CEMIP2: variants seen among roughly 807,000 people sequenced by gnomAD.
CEMIP2 encodes cell surface hyaluronidase CEMIP2.
Under a neutral mutation model 146.9 loss-of-function variants are expected in CEMIP2, and 79 were observed. That is an observed-to-expected ratio of 0.54 (90% confidence interval 0.45 to 0.65). CEMIP2 has a LOEUF of 0.65. Ranked by LOEUF, CEMIP2 falls within the 30% of genes least tolerant of loss-of-function variation. The pLI is 0.00. For synonymous variants in CEMIP2, 601 were observed against 606.3 expected, an observed-to-expected ratio of 0.99 and a Z score of 0.13; for missense variants, 1,596 against 1,696.2, an observed-to-expected ratio of 0.94 and a Z score of 1.04.
intron 18 of CEMIP2, among the ~76,000 whole-genome samples, chr9:71,703,622 G>A (rs568844787): frequency 1.7e-4 from 26 of 152,196 alleles, no homozygotes; most frequent in East Asian, 7.7e-4. Context: ...TCATGGAGTC[G>A]CATGGGTTAA....
chr9:71,756,509 CACA>C (rs1290065396), intron 1 of CEMIP2, among the ~76,000 whole-genome samples: 25 of 111,496 alleles, frequency 2.2e-4, no homozygotes, highest in Non-Finnish European at 4.4e-4. Context: ...CTCTCTCTCA[CACA>C]CACACACACA....
chr9:71,701,941 A>C (rs1200126150), intron 18 of CEMIP2, among the ~76,000 whole-genome samples: 3 of 152,280 alleles, frequency 2.0e-5, no homozygotes, highest in African/African-American at 7.2e-5. Flanking sequence ...AAAATGTTTA[A>C]ATAATATGTA....
intron 15 of CEMIP2, among the ~76,000 whole-genome samples, chr9:71,712,806 A>T (rs922016405): frequency 2.0e-5 from 3 of 152,178 alleles, no homozygotes; most frequent in African/African-American, 7.2e-5. Flanking sequence ...ATTTTGTTTT[A>T]TTCATTTTCC....
intron 1 of CEMIP2, among the ~76,000 whole-genome samples, chr9:71,760,018 T>TAA (rs34841456): frequency 0.061 from 8,725 of 143,844 alleles, 797 homozygotes; most frequent in African/African-American, 0.2. Flanking sequence ...TAAATTTACT[T>TAA]AAAAAAAAAA....
At chr9:71,763,950 G>A (rs1824712596) in intron 1 of CEMIP2, among the ~76,000 whole-genome samples, 1 of 152,066 alleles carries the variant, frequency 6.6e-6, no homozygotes, top group South Asian at 2.1e-4. Flanking sequence ...CATAGTTCCT[G>A]ACAACCAATA....
intron 10 of CEMIP2, among the ~76,000 whole-genome samples, chr9:71,727,187 C>T (rs1396198774): frequency 6.6e-6 from 1 of 152,182 alleles, no homozygotes; most frequent in Non-Finnish European, 1.5e-5. Flanking sequence ...GGGTATCTGG[C>T]AGCCTCACCT....
At chr9:71,763,664 C>T (rs1824702908) in intron 1 of CEMIP2, among the ~76,000 whole-genome samples, 1 of 152,216 alleles carries the variant, frequency 6.6e-6, no homozygotes, top group African/African-American at 2.4e-5. Context: ...AGGTTTATCA[C>T]TTTTCACCGT....
chr9:71,688,389 CT>C (rs1229804473), intron 22 of CEMIP2, among the ~76,000 whole-genome samples: 9 of 151,446 alleles, frequency 5.9e-5, no homozygotes, highest in Middle Eastern at 3.4e-3. Flanking sequence ...GGTAGTCTTT[CT>C]TTCTTTCTTT....
intron 1 of CEMIP2, among the ~76,000 whole-genome samples, chr9:71,759,784 A>G (rs1349858216): frequency 7.4e-6 from 1 of 135,370 alleles, no homozygotes; most frequent in Non-Finnish European, 1.5e-5. Flanking sequence ...TAAAAGGGAA[A>G]GAAGCAGGGA....
intron 21 of CEMIP2, among the ~76,000 whole-genome samples, chr9:71,693,061 T>C (rs1822280581): frequency 6.6e-6 from 1 of 152,230 alleles, no homozygotes; most frequent in Admixed American, 6.5e-5. Context: ...ATGGACTTCA[T>C]GCCACTGAAC....
At chr9:71,699,543 T>C (rs1822499067) in intron 19 of CEMIP2, 1 of 335,728 alleles carries the variant, frequency 3.0e-6, no homozygotes, top group Non-Finnish European at 6.0e-6. Context: ...CTGATAACAC[T>C]GGCTGGTGGG....
chr9:71,752,075 A>G (rs1824270288), intron 1 of CEMIP2, among the ~76,000 whole-genome samples: 1 of 152,128 alleles, frequency 6.6e-6, no homozygotes, highest in African/African-American at 2.4e-5. Flanking sequence ...CATTACCTCC[A>G]TTTTACACAT....
chr9:71,728,815 T>TGTG lies in CEMIP2; in HGVS notation c.2049+1029_2049+1030insCAC, dbSNP rs1554684960. Reference sequence around the variant, plus strand: ...AGCTAAGGTCTTTTTTGTGGGGTTTTTGTGTGTGTGTGTGTGTGTGTGTGT... The same window carrying TGTG: ...AGCTAAGGTCTTTTTTGTGGGGTTTTGTGTGTGTGTGTGTGTGTGTGTGTGTGT... On this transcript the variant is annotated intron_variant, in intron 10 of 23. Transcript: ENST00000377044. 6.4e-3 allele frequency among the ~76,000 whole-genome samples: 945 copies of TGTG among 148,308 alleles called. 9 individuals are homozygous for TGTG. The highest frequency in any genetic ancestry group is 0.02 in the African/African-American group (814 of 40,318).
intron 1 of CEMIP2, among the ~76,000 whole-genome samples, chr9:71,757,346 A>G (rs12347661): frequency 0.067 from 10,262 of 152,282 alleles, 1,101 homozygotes; most frequent in African/African-American, 0.23. Context: ...CGATCTAATC[A>G]GGTCAGTTCT....
intron 1 of CEMIP2, among the ~76,000 whole-genome samples, chr9:71,752,803 C>T (rs1463966101): frequency 6.6e-6 from 1 of 152,090 alleles, no homozygotes; most frequent in Non-Finnish European, 1.5e-5. Context: ...TCCCAGGACC[C>T]AAACGACCTG....
chr9:71,729,789 CTAT>C, intron 10 of CEMIP2, 53 bp downstream of exon 10: 1 of 1,545,544 alleles, frequency 6.5e-7, no homozygotes, highest in Non-Finnish European at 8.9e-7. Context: ...ATAAACCAGA[CTAT>C]TTATAAACAA....
intron 12 of CEMIP2, among the ~76,000 whole-genome samples, chr9:71,718,701 T>C (rs62546992): frequency 0.057 from 8,657 of 152,118 alleles, 267 homozygotes; most frequent in South Asian, 0.069. Context: ...TTCAGCCTTC[T>C]GAGTAGCTGG....
chr9:71,702,606 T>C (rs972944717), intron 18 of CEMIP2, among the ~76,000 whole-genome samples: 3 of 152,210 alleles, frequency 2.0e-5, no homozygotes, highest in Non-Finnish European at 4.4e-5. Flanking sequence ...TTTTGTTTAA[T>C]GAATAAGTAC....
At chr9:71,690,002 A>G (rs1173610327) in intron 22 of CEMIP2, 90 bp downstream of exon 22, 5 of 1,502,506 alleles carry the variant, frequency 3.3e-6, no homozygotes, top group Non-Finnish European at 4.5e-6. Context: ...TCCAGAGAGT[A>G]AAAAATCGGA....
Sources: allele counts gnomAD v4.1 joint callset (sites outside exome capture counted in the v4.1 genomes callset), GRCh38; gene constraint gnomAD v4.1.1; transcripts MANE v1.5; gene names NCBI Gene and HGNC (gene_info 2026-07-23, HGNC 2026-07-21).